The following RAB27A variants were observed in gnomAD, a reference collection of about 807,000 sequenced individuals.
RAB27A encodes ras-related protein Rab-27A.
A neutral mutation model predicts 20.8 loss-of-function variants in RAB27A; 17 were observed. The observed-to-expected ratio is 0.82, with a 90% confidence interval of 0.56 to 1.23. The LOEUF (loss-of-function observed/expected upper bound fraction) is 1.23, where lower values mean the gene tolerates loss of function less well. Among genes scored for constraint, RAB27A ranks in the 50% most tolerant of loss-of-function variants. The pLI, the probability that RAB27A is intolerant of heterozygous loss-of-function variation, is 0.00. For missense variants in RAB27A, 277 were observed against 266.7 expected (o/e 1.04, Z -0.27); for synonymous variants, 85 against 92.8 (o/e 0.92, Z 0.48).
intron 2 of RAB27A, among the ~76,000 whole-genome samples, chr15:55,313,076 C>T (rs1429127998): frequency 6.6e-6 from 1 of 152,150 alleles, no homozygotes; most frequent in East Asian, 1.9e-4. Flanking sequence ...ACCCAGCAGA[C>T]ATTTGGTATT....
chr15:55,231,917 A>C (rs1896044739), intron 3 of RAB27A, among the ~76,000 whole-genome samples: 1 of 152,194 alleles, frequency 6.6e-6, no homozygotes, highest in Admixed American at 6.5e-5. Flanking sequence ...ACAACAAAAA[A>C]AAAATTTAAA....
chr15:55,229,473 A>G (rs530486884), intron 4 of RAB27A, among the ~76,000 whole-genome samples: 7 of 152,260 alleles, frequency 4.6e-5, no homozygotes, highest in African/African-American at 1.7e-4. Context: ...GTCAGGAGTT[A>G]GAGACCAGCC....
rs1895412864 is a variant in RAB27A, at chr15:55,218,400, CTAAG to C, written c.467+5485_467+5488del. On this transcript the variant is annotated intron_variant, in intron 6 of 6. Coordinates refer to ENST00000336787, the MANE Select transcript of RAB27A (RefSeq NM_183235.3). The stretch of plus-strand genomic sequence containing the variant: ...TTCAAACATGCCCAATGCTACATCG[CTAAG>C]TTATTTCTCAAATCAAGAAAAGATG... 2.0e-5 allele frequency among the ~76,000 whole-genome samples: 3 copies of C among 152,170 alleles called. No individual in the cohort carries two copies. In the South Asian group the frequency reaches 6.2e-4, roughly 32 times the overall value.
At chr15:55,223,170 T>C (rs975958946) in intron 6 of RAB27A, among the ~76,000 whole-genome samples, 3 of 152,134 alleles carry the variant, frequency 2.0e-5, no homozygotes, top group East Asian at 1.9e-4. Context: ...GCCCTTCTTA[T>C]ATGCTAGCAT....
intron 2 of RAB27A, among the ~76,000 whole-genome samples, chr15:55,254,441 C>T (rs1310292605): frequency 6.6e-6 from 1 of 151,810 alleles, no homozygotes; most frequent in African/African-American, 2.4e-5. Context: ...TTTTATTTTT[C>T]TTTTAGAATC....
At chr15:55,253,899 A>T (rs1013247254) in intron 2 of RAB27A, among the ~76,000 whole-genome samples, 13 of 152,216 alleles carry the variant, frequency 8.5e-5, no homozygotes, top group African/African-American at 2.9e-4. Context: ...AGATGTAAGT[A>T]TCCACGTGTT....
chr15:55,310,563 C>T (rs1023691428), intron 2 of RAB27A, among the ~76,000 whole-genome samples: 1 of 152,140 alleles, frequency 6.6e-6, no homozygotes, highest in African/African-American at 2.4e-5. Context: ...TGAAAGCAAG[C>T]CCTATTAGGC....
At chr15:55,224,077 T>C (rs1895701773) in intron 5 of RAB27A, 65 bp from the exon 6 acceptor site, 1 of 1,325,980 alleles carries the variant, frequency 7.5e-7, no homozygotes, top group East Asian at 2.5e-5. Flanking sequence ...CAGTGAACAA[T>C]ACATGCAAAA....
At chr15:55,308,879 G>A (rs780163919) in intron 2 of RAB27A, among the ~76,000 whole-genome samples, 14 of 152,184 alleles carry the variant, frequency 9.2e-5, no homozygotes, top group Non-Finnish European at 1.8e-4. Flanking sequence ...TGCTACTGCT[G>A]CCACTACCCA....
At chr15:55,235,284 C>T (rs1417278888) in intron 2 of RAB27A, among the ~76,000 whole-genome samples, 2 of 151,920 alleles carry the variant, frequency 1.3e-5, no homozygotes, top group Non-Finnish European at 2.9e-5. Flanking sequence ...CCCATCTCTA[C>T]TGAAAATACA....
rs568841360 is a variant in RAB27A at position 55,284,434 on chromosome 15, A to G, written c.-143+5282T>C. Among the ~76,000 whole-genome samples the G allele has an allele frequency of 4.6e-5, 7 of 152,336 alleles. No individual in the cohort carries two copies. The East Asian group carries it at 1.3e-3, about 29-fold the overall frequency. ...ACCTTAATCAAAGCACCTTATAATA[A>G]ATACTCCAGAGGGTCAAAAGTGTTA... On this transcript the variant is annotated intron_variant, in intron 1 of 6. Coordinates refer to ENST00000336787, the MANE Select transcript of RAB27A (RefSeq NM_183235.3).
At chr15:55,318,834 G>A (rs1469065685) in intron 1 of RAB27A, 1 of 163,844 alleles carries the variant, frequency 6.1e-6, no homozygotes, top group African/African-American at 2.4e-5. Flanking sequence ...CTACCTCGTT[G>A]AACAGGCATT....
At chr15:55,220,122 T>G (rs889598397) in intron 6 of RAB27A, among the ~76,000 whole-genome samples, 10 of 152,210 alleles carry the variant, frequency 6.6e-5, no homozygotes, top group Admixed American at 1.3e-4. Context: ...CAGATTAACA[T>G]TCCATTTTCG....
chr15:55,313,174 G>C (rs1159903608), intron 2 of RAB27A, among the ~76,000 whole-genome samples: 1 of 152,208 alleles, frequency 6.6e-6, no homozygotes, highest in Non-Finnish European at 1.5e-5. Flanking sequence ...CTAGTGCTTT[G>C]GGAGGCCAAG....
intron 6 of RAB27A, among the ~76,000 whole-genome samples, chr15:55,215,534 C>A (rs1842429099): frequency 6.6e-6 from 1 of 150,566 alleles, no homozygotes; most frequent in Non-Finnish European, 1.5e-5. Context: ...CGCCTGTAGT[C>A]CCAGCTACTC....
rs147323451 is a variant in RAB27A, at chr15:55,306,065, A to C, written c.-112+7974T>G. ...GAGCCATTCAAACAACAATAGGCTG[A>C]GGTACCACAGACAAAAAATATTCCT... On this transcript the variant is annotated intron_variant, in intron 2 of 5. Transcript: ENST00000563262. Among the ~76,000 whole-genome samples, 7 of 152,328 alleles carry C rather than the reference A, an allele frequency of 4.6e-5. No homozygotes were observed. In the East Asian group the frequency reaches 1.3e-3, roughly 29 times the overall value.
intron 1 of RAB27A, among the ~76,000 whole-genome samples, chr15:55,316,435 G>T (rs138435083): frequency 0.04 from 5,871 of 148,258 alleles, 132 homozygotes; most frequent in Non-Finnish European, 0.052. Context: ...GGGGGCGGGT[G>T]GGGGGCAAGG....
chr15:55,273,072 C>T (rs183750045), intron 1 of RAB27A, among the ~76,000 whole-genome samples: 3 of 152,138 alleles, frequency 2.0e-5, no homozygotes, highest in African/African-American at 2.4e-5. Flanking sequence ...CCCTATCTAT[C>T]GATAATTACT....
intron 2 of RAB27A, among the ~76,000 whole-genome samples, chr15:55,255,909 C>T (rs893910225): frequency 3.3e-5 from 5 of 152,156 alleles, no homozygotes; most frequent in African/African-American, 1.2e-4. Context: ...GTCAAAAGAC[C>T]TGAACTCTGC....
Sources: allele counts gnomAD v4.1 joint callset (sites outside exome capture counted in the v4.1 genomes callset), GRCh38; gene constraint gnomAD v4.1.1; transcripts MANE v1.5; gene names NCBI Gene and HGNC (gene_info 2026-07-23, HGNC 2026-07-21).